ZNF496: variants seen among roughly 807,000 people sequenced by gnomAD.
The protein encoded by ZNF496 is zinc finger protein 496, also known as NSD1 (nuclear receptor binding SET-domain containing 1)-interacting zinc finger protein 1.
ZNF496 carries 11 observed loss-of-function variants against 58.9 expected under a neutral mutation model. The ratio of observed to expected loss-of-function variants is 0.19; its 90% confidence interval spans 0.12 to 0.31. The LOEUF is 0.31. Ranked by LOEUF, ZNF496 falls within the 10% of genes least tolerant of loss-of-function variation. ZNF496 has a pLI of 1.00. For missense variants in ZNF496, 660 were observed against 783.0 expected (o/e 0.84, Z 1.88); for synonymous variants, 338 against 318.2 (o/e 1.06, Z -0.66).
intron 5 of ZNF496, among the ~76,000 whole-genome samples, chr1:247,325,624 C>T (rs543005628): frequency 1.8e-4 from 27 of 152,224 alleles, no homozygotes; most frequent in Non-Finnish European, 3.1e-4. Context: ...TCTTACCTAA[C>T]GGAAACTTTG....
chr1:247,327,216 C>G (rs998766116), intron 5 of ZNF496, among the ~76,000 whole-genome samples: 3 of 152,226 alleles, frequency 2.0e-5, no homozygotes, highest in Admixed American at 1.3e-4. Context: ...AGGCACCCAC[C>G]ACCACACACA....
In ZNF496 at chr1:247,309,599, A is replaced by G; in HGVS notation, c.892+100T>C. 2.0e-6 allele frequency: 3 copies of G among 1,522,028 alleles called. No homozygotes were observed. Among genetic ancestry groups the G allele is most frequent in the Non-Finnish European group, 2.6e-6 (3 of 1,133,494 alleles). The allele number at this position is 1,522,028 out of a possible 1,614,324, so 94.3% of individuals were successfully genotyped here. ...TAGAGTCTGGGGAAATGAAGAAGGC[A>G]ATTAGGGGCCGCAGAGAGAAGCCAG... On this transcript the variant is annotated intron_variant, in intron 8 of 9. Transcript: ENST00000682384. The surrounding 1 kb of genome is among the most constrained non-coding windows in gnomAD (Gnocchi z 4.3).
intron 6 of ZNF496, among the ~76,000 whole-genome samples, chr1:247,314,148 C>T (rs928548436): frequency 6.6e-6 from 1 of 152,204 alleles, no homozygotes; most frequent in Non-Finnish European, 1.5e-5. Context: ...CAGCCTCAAC[C>T]TTTGGGGCTC....
chr1:247,329,162 C>G lies in ZNF496; in HGVS notation c.390+27G>C, dbSNP rs1213273677. ...AGTGTCTAAGTACCAGATCTCTACCCGTCCCAGCCCCACCTCTTCTACTCA... is the reference window on the plus strand; with the variant it reads ...AGTGTCTAAGTACCAGATCTCTACCGGTCCCAGCCCCACCTCTTCTACTCA... On this transcript the variant is annotated intron_variant, in intron 4 of 9. Transcript: ENST00000682384. The surrounding 1 kb of genome is among the most constrained non-coding windows in gnomAD (Gnocchi z 5.5). 6.2e-7 allele frequency: 1 copy of G among 1,613,150 alleles called. No homozygotes were observed. The highest frequency in any genetic ancestry group is 2.2e-5 in the East Asian group (1 of 44,884).
Position 247,331,478 on chromosome 1 carries a change from G to T in ZNF496, c.-200C>A, listed in dbSNP as rs1660325789. ...CCGGCGTCCGGCCGAAAACCCTCCT[G>T]TGGCGGCGGAAGTCCAGGGCAGCCG... is the stretch of plus-strand genomic sequence containing the variant. On this transcript the variant is annotated 5_prime_UTR_variant, in exon 2 of 10. Transcript: ENST00000682384. The T allele has an allele frequency of 1.3e-5, 2 of 152,246 alleles. No individual in the cohort carries two copies. Among genetic ancestry groups the T allele is most frequent in the South Asian group, 4.1e-4 (2 of 4,830 alleles). The allele number at this position is 152,246 out of a possible 1,614,324, so 9.4% of individuals were successfully genotyped here. A position where few individuals can be genotyped will look rare whatever the true frequency, so the allele number is the denominator to read the frequency against.
Position 247,300,505 on chromosome 1 carries a change from C to T in ZNF496, c.*14G>A. ...CAGCACCAGCCAGGGTGAGGCCGCC[C>T]CAGGCGGAGAGGCTCAGTAGGAGTT... On this transcript the variant is annotated 3_prime_UTR_variant, in exon 10 of 10. Transcript: ENST00000682384. This position sits in a 1 kb window ranked among gnomAD's most constrained non-coding sequence, Gnocchi z 5.7. The T allele has an allele frequency of 1.3e-6, 2 of 1,589,920 alleles. No individual in the cohort carries two copies. Among genetic ancestry groups the T allele is most frequent in the South Asian group, 1.1e-5 (1 of 88,230 alleles).
chr1:247,326,133 T>C (rs1660120523), intron 5 of ZNF496, among the ~76,000 whole-genome samples: 2 of 149,314 alleles, frequency 1.3e-5, no homozygotes, highest in Admixed American at 6.7e-5. Context: ...CATACATATA[T>C]ATATATACAC....
At chr1:247,310,710 T>A (rs1659574608) in intron 6 of ZNF496, 2 of 427,526 alleles carry the variant, frequency 4.7e-6, no homozygotes, top group Non-Finnish European at 8.5e-6. Context: ...GGCAAGGGAG[T>A]TCTCTGGGGC....
chr1:247,330,003 G>C lies in ZNF496; in HGVS notation c.-75C>G, dbSNP rs1439737478. 6.1e-6 allele frequency: 1 copy of C among 162,998 alleles called. No homozygotes were observed. The highest frequency in any genetic ancestry group is 2.4e-5 in the African/African-American group (1 of 41,828). 10.1% of individuals were successfully genotyped at this position (162,998 alleles called of 1,614,324 possible). On this transcript the variant is annotated 5_prime_UTR_variant, in exon 3 of 10. Transcript: ENST00000682384. Reference sequence around the variant, plus strand: ...GGTCCTCCTGGAGAGATCCGAGATGGGCAGGCCAAGCAGGCCACTATCTTG... The same window carrying C: ...GGTCCTCCTGGAGAGATCCGAGATGCGCAGGCCAAGCAGGCCACTATCTTG...
At chr1:247,322,704 G>C (rs544142276) in intron 6 of ZNF496, 143 of 1,288,556 alleles carry the variant, frequency 1.1e-4, no homozygotes, top group Non-Finnish European at 1.4e-4. Flanking sequence ...TCACCACGTA[G>C]ATCTGTGACA....
intron 9 of ZNF496, among the ~76,000 whole-genome samples, chr1:247,303,647 C>T (rs1659317021): frequency 1.3e-5 from 2 of 152,272 alleles, no homozygotes; most frequent in South Asian, 4.1e-4. Context: ...GTAAGGAACT[C>T]GGATACTGAG....
At chr1:247,306,232 G>A (rs1391958578) in intron 9 of ZNF496, among the ~76,000 whole-genome samples, 1 of 150,966 alleles carries the variant, frequency 6.6e-6, no homozygotes, top group East Asian at 1.9e-4. Context: ...GTCTTGCTCC[G>A]TGTCCCAGGC....
In ZNF496 at chr1:247,301,276, G is replaced by A; in HGVS notation, c.1007C>T (p.Ala336Val). The A allele has an allele frequency of 6.6e-7, 1 of 1,509,000 alleles. No individual in the cohort carries two copies. Among genetic ancestry groups the A allele is most frequent in the Non-Finnish European group, 8.8e-7 (1 of 1,132,756 alleles). 93.5% of individuals were successfully genotyped at this position (1,509,000 alleles called of 1,614,324 possible). Residue 336 changes from alanine (A) to valine (V), a missense_variant and splice_region_variant, in exon 10 of 10, where the codon GCT (alanine) becomes GTT (valine). Physicochemically the swap from Ala to Val is moderately conservative, Grantham distance 64. Transcript: ENST00000682384. The part of the protein sequence containing the change: ...QTVVPQNTYP[A>V]GGNPRSLENS... The stretch of plus-strand genomic sequence containing the variant: ...CTCTAGAGATCGCGGGTTGCCGCCA[G>A]CTACAGGAAGGCAACATGCAGGTCA...
rs1200990101 is a variant in ZNF496 at position 247,299,548 on chromosome 1, T to C, written c.*971A>G. ...CCAGCACTCCAAGCTAATGTATCTA[T>C]CAAGTGTGTTGTCAGGCAAGGTTCT... On this transcript the variant is annotated 3_prime_UTR_variant, in exon 10 of 10. Transcript: ENST00000682384. 1 of 152,250 alleles carries C rather than the reference T, an allele frequency of 6.6e-6. No homozygotes were observed. Among genetic ancestry groups the C allele is most frequent in the Non-Finnish European group, 1.5e-5 (1 of 68,080 alleles). 9.4% of individuals were successfully genotyped at this position (152,250 alleles called of 1,614,324 possible).
intron 9 of ZNF496, among the ~76,000 whole-genome samples, chr1:247,301,944 A>G (rs967206344): frequency 1.3e-5 from 2 of 152,180 alleles, no homozygotes; most frequent in Non-Finnish European, 2.9e-5. Flanking sequence ...CCCGGCTCCC[A>G]GTAGCACCGC....
chr1:247,315,539 G>A (rs540426214), intron 6 of ZNF496, among the ~76,000 whole-genome samples: 2 of 152,220 alleles, frequency 1.3e-5, no homozygotes, highest in South Asian at 4.2e-4. Context: ...TTAAGAGATT[G>A]TCCTTGTGTT....
At position 247,308,611 on chromosome 1, in the gene ZNF496, A is replaced by T. The variant is rs1659492320; in HGVS notation, c.893-23T>A. The stretch of plus-strand genomic sequence containing the variant: ...AGTCTTTCCAGAGGAGGAAATGGAA[A>T]AATTGATTTGTTTTGCACCTACAGC... On this transcript the variant is annotated intron_variant, in intron 8 of 9. Transcript: ENST00000682384. This position sits in a 1 kb window ranked among gnomAD's most constrained non-coding sequence, Gnocchi z 4.5. The T allele has an allele frequency of 6.2e-7, 1 of 1,609,526 alleles. No homozygotes were observed.
chr1:247,328,047 A>G (rs1660194671), intron 5 of ZNF496, among the ~76,000 whole-genome samples: 1 of 152,248 alleles, frequency 6.6e-6, no homozygotes, highest in Non-Finnish European at 1.5e-5. Context: ...ACAGAGGAAG[A>G]AACTGAGGCT....
chr1:247,326,045 TATATACACACACACACAC>T (rs1477001949), intron 5 of ZNF496, among the ~76,000 whole-genome samples: 5 of 55,864 alleles, frequency 9.0e-5, no homozygotes, highest in African/African-American at 2.2e-4. Context: ...CGCATATATA[TATATACACACACACACAC>T]ATATATACAC....
Sources: gnomAD v4.1 joint callset for allele counts (sites outside exome capture counted in the v4.1 genomes callset) on GRCh38, gnomAD v4.1.1 for gene constraint, Gnocchi (gnomAD v3.1) non-coding constraint, MANE v1.5 for transcripts, NCBI Gene and HGNC (gene_info 2026-07-23, HGNC 2026-07-21) for gene names.